Variants in HLA-DOA observed in about 807,000 individuals in gnomAD.
HLA-DOA encodes HLA class II histocompatibility antigen, DO alpha chain.
In HLA-DOA, 27 loss-of-function variants were observed where a neutral mutation model predicts 22.9. That is an observed-to-expected ratio of 1.18 (90% CI 0.87 to 1.62). The LOEUF (loss-of-function observed/expected upper bound fraction) is 1.62. HLA-DOA is among the 40% of genes most tolerant of loss of function. The pLI, the probability that HLA-DOA is intolerant of heterozygous loss-of-function variation, is 0.00. For synonymous variants in HLA-DOA, 137 were observed against 138.6 expected (o/e 0.99, Z 0.08); for missense variants, 324 against 332.4 (o/e 0.97, Z 0.20).
chr6:33,007,222 G>A lies in HLA-DOA; in HGVS notation c.614-7C>T. The A allele has an allele frequency of 6.2e-7, 1 of 1,613,732 alleles. No individual in the cohort carries two copies. The highest frequency in any genetic ancestry group is 8.5e-7 in the Non-Finnish European group (1 of 1,180,034). ...GGAATAGGCACCTGGAGCTCTAGGA[G>A]AGAAAGGAAGGAGTTGGTGGTATAT... On this transcript the variant is annotated splice_region_variant and splice_polypyrimidine_tract_variant and intron_variant, in intron 3 of 4. Transcript: ENST00000229829.
At position 33,006,701 on chromosome 6, in the gene HLA-DOA, C is replaced by T; in HGVS notation, c.*137G>A. On this transcript the variant is annotated 3_prime_UTR_variant, in exon 5 of 5. Coordinates refer to ENST00000229829, the MANE Select transcript of HLA-DOA (RefSeq NM_002119.4). ...ATACTGGGGCCAAAAAAGAGGGGAC[C>T]CGTAGGACAGATGTTGATCCCACTC... The T allele has an allele frequency of 7.1e-7, 1 of 1,400,992 alleles. No individual in the cohort carries two copies. The highest frequency in any genetic ancestry group is 1.0e-6 in the Non-Finnish European group (1 of 989,450). 86.8% of individuals were successfully genotyped at this position (1,400,992 alleles called of 1,614,324 possible).
At position 33,008,024 on chromosome 6, in the gene HLA-DOA, C is replaced by G; in HGVS notation, c.320G>C (p.Arg107Thr). The G allele has an allele frequency of 6.2e-7, 1 of 1,612,504 alleles. No homozygotes were observed. Among genetic ancestry groups the G allele is most frequent in the Non-Finnish European group, 8.5e-7 (1 of 1,179,740 alleles). Reference protein sequence around the residue: ...DILVERSNRSRAINVPPRVTV... With the variant: ...DILVERSNRSTAINVPPRVTV... ...GGGAGGGCCGGTACCGTTGATGGCT[C>G]TGCTGCGGTTGGAGCGCTCCACCAG... is the stretch of plus-strand genomic sequence containing the variant. The change falls in exon 2 of 5, where the codon AGA becomes ACA. Residue 107 changes from arginine (R) to threonine (T), a missense_variant. Transcript: ENST00000229829.
Position 33,007,666 on chromosome 6 carries a change from C to T in HLA-DOA, c.332-74G>A, listed in dbSNP as rs1780880434. The T allele has an allele frequency of 1.1e-5, 16 of 1,499,952 alleles. No homozygotes were observed. In the South Asian group the frequency reaches 1.5e-4, roughly 14 times the overall value. The allele number at this position is 1,499,952 out of a possible 1,614,324, so 92.9% of individuals were successfully genotyped here. On this transcript the variant is annotated intron_variant, in intron 2 of 4. Transcript: ENST00000229829. ...CCTTACTAGGACTGGGATTAAGGGA[C>T]GTTCCCCCTTTGTAGCCATCTGTGG...
Position 33,007,328 on chromosome 6 carries a change from G to A in HLA-DOA, c.596C>T (p.Pro199Leu). Residue 199 changes from proline to leucine, a missense_variant, in exon 3 of 5, where the codon CCA becomes CTA. By Grantham distance (98) the Pro-to-Leu change is moderately conservative. Transcript: ENST00000229829. ...CTCCGTACCCCAATGCCTGAGGAGTGGCGCATCCAGGCCCCAGTGCTCCAC... is the reference window on the plus strand; with the variant it reads ...CTCCGTACCCCAATGCCTGAGGAGTAGCGCATCCAGGCCCCAGTGCTCCAC... ...CQVEHWGLDA[P>L]LLRHWELQVP... is the part of the protein sequence containing the mutation. 1 of 1,612,564 alleles carries A rather than the reference G, an allele frequency of 6.2e-7. No individual in the cohort carries two copies. Among genetic ancestry groups the A allele is most frequent in the Non-Finnish European group, 8.5e-7 (1 of 1,179,694 alleles).
chr6:33,006,727 A>G lies in HLA-DOA; in HGVS notation c.*111T>C. On this transcript the variant is annotated 3_prime_UTR_variant, in exon 5 of 5. Transcript: ENST00000229829. Reference sequence around the variant, plus strand: ...CGTAGGACAGATGTTGATCCCACTCAAAGTCAGCACAGCGGGATGCACTTA... The same window carrying G: ...CGTAGGACAGATGTTGATCCCACTCGAAGTCAGCACAGCGGGATGCACTTA... The G allele has an allele frequency of 6.3e-7, 1 of 1,583,518 alleles. No individual in the cohort carries two copies. Among genetic ancestry groups the G allele is most frequent in the Non-Finnish European group, 8.7e-7 (1 of 1,153,436 alleles).
Position 33,007,501 on chromosome 6 carries a change from AG to A in HLA-DOA, c.422del (p.Pro141LeufsTer2), listed in dbSNP as rs764712484. 2.5e-6 allele frequency: 4 copies of A among 1,612,930 alleles called. No individual in the cohort carries two copies. The Admixed American group carries it at 5.0e-5, about 20-fold the overall frequency. ...LICIVDNIFP[P>X]VINITWLRNG... is the part of the protein sequence containing the mutation. ...TGCGCAGCCAGGTGATATTGATCAC[AG>A]GGGGGAAGATGTTGTCCACGATGCA... is the stretch of plus-strand genomic sequence containing the variant. On this transcript the variant is annotated frameshift_variant, in exon 3 of 5. Coordinates refer to ENST00000229829, the MANE Select transcript of HLA-DOA (RefSeq NM_002119.4). LOFTEE classifies it high-confidence loss of function.
In HLA-DOA at chr6:33,006,597, A is replaced by G; in HGVS notation, c.*241T>C. On this transcript the variant is annotated 3_prime_UTR_variant, in exon 5 of 5. Transcript: ENST00000229829. ...CAAAGCATTTAGTGCTGCCAGCCAG[A>G]GCTTTGGGTAGAGCAAGAATGTGTG... The G allele has an allele frequency of 1.6e-6, 1 of 628,800 alleles. No homozygotes were observed. The highest frequency in any genetic ancestry group is 2.8e-6 in the Non-Finnish European group (1 of 352,606). The allele number at this position is 628,800 out of a possible 1,614,324, so 39.0% of individuals were successfully genotyped here. A position where few individuals can be genotyped will look rare whatever the true frequency, so the allele number is the denominator to read the frequency against.
At position 33,005,188 on chromosome 6, in the gene HLA-DOA, A is replaced by G. The variant is rs1780759860; in HGVS notation, c.*1650T>C. On this transcript the variant is annotated 3_prime_UTR_variant, in exon 5 of 5. Coordinates refer to ENST00000229829, the MANE Select transcript of HLA-DOA (RefSeq NM_002119.4). Reference sequence around the variant, plus strand: ...CAGGATGGCTGCATCAGAGTCATCCAGAGCCGGTTAAAAATGACAGCCTCG... The same window carrying G: ...CAGGATGGCTGCATCAGAGTCATCCGGAGCCGGTTAAAAATGACAGCCTCG... 6.6e-6 allele frequency: 1 copy of G among 152,300 alleles called. No individual in the cohort carries two copies. Among genetic ancestry groups the G allele is most frequent in the Non-Finnish European group, 1.5e-5 (1 of 68,110 alleles). The allele number at this position is 152,300 out of a possible 1,614,324, so 9.4% of individuals were successfully genotyped here. A position where few individuals can be genotyped will look rare whatever the true frequency, so the allele number is the denominator to read the frequency against.
Position 33,009,086 on chromosome 6 carries a change from T to C in HLA-DOA, c.82+369A>G, listed in dbSNP as rs1330944359. Among the ~76,000 whole-genome samples, 3 of 152,132 alleles carry C rather than the reference T, an allele frequency of 2.0e-5. No homozygotes were observed. Among genetic ancestry groups the C allele is most frequent in the Non-Finnish European group, 4.4e-5 (3 of 68,012 alleles). On this transcript the variant is annotated intron_variant, in intron 1 of 4. Transcript: ENST00000229829. This position sits in a 1 kb window ranked among gnomAD's most constrained non-coding sequence, Gnocchi z 4.8. The stretch of plus-strand genomic sequence containing the variant: ...ACAGGTAAATAGTTAACTACCGGCA[T>C]GGGCATAAATACTGCAACAGAACTG...
At chr6:33,008,479 T>C in intron 1 of HLA-DOA, 1 of 1,284,274 alleles carries the variant, frequency 7.8e-7, no homozygotes, top group Non-Finnish European at 1.0e-6. Flanking sequence ...ACAGAGACAG[T>C]GCAGTCTGGC....
Position 33,006,549 on chromosome 6 carries a change from A to C in HLA-DOA, c.*289T>G, listed in dbSNP as rs1226908620. 1 of 581,846 alleles carries C rather than the reference A, an allele frequency of 1.7e-6. No homozygotes were observed. Among genetic ancestry groups the C allele is most frequent in the East Asian group, 2.9e-5 (1 of 34,966 alleles). 36.0% of individuals were successfully genotyped at this position (581,846 alleles called of 1,614,324 possible). ...CCTGGAAGAACTGGCCAAGGCCTGGAAAGGACACAGTGCAAACACCACCAA... is the reference window on the plus strand; with the variant it reads ...CCTGGAAGAACTGGCCAAGGCCTGGCAAGGACACAGTGCAAACACCACCAA... On this transcript the variant is annotated 3_prime_UTR_variant, in exon 5 of 5. Coordinates refer to ENST00000229829, the MANE Select transcript of HLA-DOA (RefSeq NM_002119.4).
chr6:33,009,513 G>T lies in HLA-DOA; in HGVS notation c.24C>A (p.Val8=). 1 of 1,606,394 alleles carries T rather than the reference G, an allele frequency of 6.2e-7. No individual in the cohort carries two copies. The highest frequency in any genetic ancestry group is 8.5e-7 in the Non-Finnish European group (1 of 1,178,044). The change falls in exon 1 of 5, where the codon GTC becomes GTA. Residue 8 remains valine, a synonymous_variant. Transcript: ENST00000229829. This position sits in a 1 kb window ranked among gnomAD's most constrained non-coding sequence, Gnocchi z 4.8. The stretch of plus-strand genomic sequence containing the variant: ...GGGTCATCAGGGTGTGGAACCCCAG[G>T]ACCAGCCCTGCTCTGAGGGCCATTA... MALRAGL[V]LGFHTLMTLL...
rs1447908846 is a variant in HLA-DOA, at chr6:33,006,985, T to C, written c.749+95A>G. 5 of 1,525,402 alleles carry C rather than the reference T, an allele frequency of 3.3e-6. No individual in the cohort carries two copies. The African/African-American group carries it at 6.8e-5, about 21-fold the overall frequency. 94.5% of individuals were successfully genotyped at this position (1,525,402 alleles called of 1,614,324 possible). ...CCCTGCCCATTTCTTTTCTGACTTCTTTCCCCACAACAGAATCTCTGATTC... is the reference window on the plus strand; with the variant it reads ...CCCTGCCCATTTCTTTTCTGACTTCCTTCCCCACAACAGAATCTCTGATTC... On this transcript the variant is annotated intron_variant, in intron 4 of 4. Transcript: ENST00000229829.
Position 33,009,334 on chromosome 6 carries a change from G to T in HLA-DOA, c.82+121C>A. On this transcript the variant is annotated intron_variant, in intron 1 of 4. Transcript: ENST00000229829. This position sits in a 1 kb window ranked among gnomAD's most constrained non-coding sequence, Gnocchi z 4.8. ...TGAGGGGGATTGGGTGTCTCTTGGT[G>T]AAGGAAGTTGCCCATAAACCAGAGA... The T allele has an allele frequency of 1.6e-6, 1 of 609,590 alleles. No homozygotes were observed. The highest frequency in any genetic ancestry group is 2.7e-6 in the Non-Finnish European group (1 of 369,358). 37.8% of individuals were successfully genotyped at this position (609,590 alleles called of 1,614,324 possible).
At chr6:33,007,666 C>A in intron 2 of HLA-DOA, 74 bp from the exon 3 acceptor site, 1 of 1,500,068 alleles carries the variant, frequency 6.7e-7, no homozygotes, top group East Asian at 2.3e-5. Context: ...GATTAAGGGA[C>A]GTTCCCCCTT....
rs1186985224 is a variant in HLA-DOA, at chr6:33,005,920, G to A, written c.*918C>T. On this transcript the variant is annotated 3_prime_UTR_variant, in exon 5 of 5. Transcript: ENST00000229829. ...TAAAAGGATCCCAAGCAGTTCTTAT[G>A]TGCATTCTGGTTTGAAAACCGTAAT... 3 of 152,214 alleles carry A rather than the reference G, an allele frequency of 2.0e-5. No homozygotes were observed. The East Asian group carries it at 5.8e-4, about 29-fold the overall frequency. 9.4% of individuals were successfully genotyped at this position (152,214 alleles called of 1,614,324 possible).
chr6:33,009,409 C>G lies in HLA-DOA; in HGVS notation c.82+46G>C. ...GCCACCTCCTCATGTAACCCAACTC[C>G]GTAAATCTCTGCTCCCCGCCGCACC... On this transcript the variant is annotated intron_variant, in intron 1 of 4. Coordinates refer to ENST00000229829, the MANE Select transcript of HLA-DOA (RefSeq NM_002119.4). This position sits in a 1 kb window ranked among gnomAD's most constrained non-coding sequence, Gnocchi z 4.8. 7.1e-7 allele frequency: 1 copy of G among 1,415,038 alleles called. No homozygotes were observed. The highest frequency in any genetic ancestry group is 9.5e-7 in the Non-Finnish European group (1 of 1,047,608). 87.7% of individuals were successfully genotyped at this position (1,415,038 alleles called of 1,614,324 possible).
chr6:33,006,515 T>G lies in HLA-DOA; in HGVS notation c.*323A>C. ...ATGGCTGCCAATCCCCAGCACCACATGCCTCACCCCTGGAAGAACTGGCCA... is the reference window on the plus strand; with the variant it reads ...ATGGCTGCCAATCCCCAGCACCACAGGCCTCACCCCTGGAAGAACTGGCCA... On this transcript the variant is annotated 3_prime_UTR_variant, in exon 5 of 5. Coordinates refer to ENST00000229829, the MANE Select transcript of HLA-DOA (RefSeq NM_002119.4). 1 of 542,384 alleles carries G rather than the reference T, an allele frequency of 1.8e-6. No homozygotes were observed. Among genetic ancestry groups the G allele is most frequent in the East Asian group, 3.1e-5 (1 of 32,210 alleles). 33.6% of individuals were successfully genotyped at this position (542,384 alleles called of 1,614,324 possible). A position where few individuals can be genotyped will look rare whatever the true frequency, so the allele number is the denominator to read the frequency against.
Position 33,009,523 on chromosome 6 carries a change from G to T in HLA-DOA, c.14C>A (p.Ala5Glu), listed in dbSNP as rs951147556. MALR[A>E]GLVLGFHTLM... The stretch of plus-strand genomic sequence containing the variant: ...GGTGTGGAACCCCAGGACCAGCCCT[G>T]CTCTGAGGGCCATTACACTCTGGTG... The change falls in exon 1 of 5, where the codon GCA becomes GAA. Residue 5 changes from alanine (A) to glutamate (E), a missense_variant. Coordinates refer to ENST00000229829, the MANE Select transcript of HLA-DOA (RefSeq NM_002119.4). The surrounding 1 kb of genome is among the most constrained non-coding windows in gnomAD (Gnocchi z 4.8). The T allele has an allele frequency of 6.2e-7, 1 of 1,604,284 alleles. No individual in the cohort carries two copies. Among genetic ancestry groups the T allele is most frequent in the African/African-American group, 1.3e-5 (1 of 74,900 alleles).
Sources: allele counts gnomAD v4.1 joint callset (sites outside exome capture counted in the v4.1 genomes callset), GRCh38; gene constraint gnomAD v4.1.1; non-coding constraint Gnocchi (gnomAD v3.1); transcripts MANE v1.5; gene names NCBI Gene and HGNC (gene_info 2026-07-23, HGNC 2026-07-21).